The following CASS4 variants were observed in gnomAD, a reference collection of about 807,000 sequenced individuals.
CASS4 encodes Cas scaffold protein family member 4.
Under a neutral mutation model 54.2 loss-of-function variants are expected in CASS4, and 22 were observed. The ratio of observed to expected loss-of-function variants is 0.41; its 90% confidence interval spans 0.29 to 0.58. The LOEUF is 0.58. CASS4 is among the 20% of genes least tolerant of loss of function. CASS4 has a pLI of 0.36. For missense variants in CASS4, 854 were observed against 986.7 expected (o/e 0.87, Z 1.80); for synonymous variants, 409 against 391.5 (o/e 1.04, Z -0.53).
chr20:56,447,574 G>A (rs549437087), intron 3 of CASS4, among the ~76,000 whole-genome samples: 7 of 152,332 alleles, frequency 4.6e-5, no homozygotes, highest in Non-Finnish European at 5.9e-5. Flanking sequence ...ATTCCTGTAA[G>A]TGCCCCCCAC....
At chr20:56,443,952 G>A (rs1391659587) in intron 2 of CASS4, among the ~76,000 whole-genome samples, 1 of 152,178 alleles carries the variant, frequency 6.6e-6, no homozygotes, top group Non-Finnish European at 1.5e-5. Flanking sequence ...AGGATTTCAG[G>A]GAACCAAGTT....
chr20:56,453,002 A>T lies in CASS4; in HGVS notation c.1826A>T (p.Glu609Val). Residue 609 changes from glutamate to valine, a missense_variant, in exon 5 of 6, where the codon GAA becomes GTA. Transcript: ENST00000679887. ...ACCCCAAATGCAGAATTTAAGTGTG[A>T]AAAATACATCCAGCCTCCCCAAAGA... ...QLTPNAEFKC[E>V]KYIQPPQRET... 6.2e-7 allele frequency: 1 copy of T among 1,614,086 alleles called. No individual in the cohort carries two copies.
At chr20:56,429,943 A>C (rs963026273) in intron 1 of CASS4, among the ~76,000 whole-genome samples, 2 of 152,004 alleles carry the variant, frequency 1.3e-5, no homozygotes, top group Non-Finnish European at 2.9e-5. Context: ...CTTACAAGAG[A>C]TGGAAACCCT....
intron 4 of CASS4, 59 bp from the exon 5 acceptor site, chr20:56,451,760 G>C (rs1261863623): frequency 4.7e-6 from 6 of 1,265,408 alleles, no homozygotes; most frequent in African/African-American, 3.0e-5. Context: ...TTTAAACAAC[G>C]CACTCGCGCC....
intron 2 of CASS4, among the ~76,000 whole-genome samples, chr20:56,443,768 C>T (rs933371407): frequency 2.6e-5 from 4 of 152,122 alleles, no homozygotes; most frequent in African/African-American, 9.7e-5. Flanking sequence ...CCCTTGGGAA[C>T]CACGAAGCGG....
At chr20:56,445,655 A>C (rs1980670373) in intron 2 of CASS4, among the ~76,000 whole-genome samples, 1 of 152,170 alleles carries the variant, frequency 6.6e-6, no homozygotes, top group Admixed American at 6.5e-5. Context: ...GCTTCAGGTG[A>C]ACTTCCCAGG....
chr20:56,417,051 C>T (rs891594729), intron 1 of CASS4, among the ~76,000 whole-genome samples: 22 of 152,220 alleles, frequency 1.4e-4, no homozygotes, highest in African/African-American at 5.3e-4. Flanking sequence ...AAAAAATCTT[C>T]CACATCTCAA....
Position 56,437,709 on chromosome 20 carries a change from G to A in CASS4, c.459+123G>A. 1 of 914,880 alleles carries A rather than the reference G, an allele frequency of 1.1e-6. No homozygotes were observed. The highest frequency in any genetic ancestry group is 1.6e-6 in the Non-Finnish European group (1 of 632,262). 56.7% of individuals were successfully genotyped at this position (914,880 alleles called of 1,614,324 possible). On this transcript the variant is annotated intron_variant, in intron 2 of 5. Coordinates refer to ENST00000679887, the MANE Select transcript of CASS4 (RefSeq NM_020356.4). The surrounding 1 kb of genome is among the most constrained non-coding windows in gnomAD (Gnocchi z 4.7). ...ACGCAAAACGGGAGCCCAGATTGCT[G>A]GCAATCACGCTCGGGGAGCTTGTGT...
At chr20:56,445,733 C>G (rs1600767708) in intron 2 of CASS4, among the ~76,000 whole-genome samples, 167 bp from the exon 3 acceptor site, 1 of 152,224 alleles carries the variant, frequency 6.6e-6, no homozygotes, top group South Asian at 2.1e-4. Flanking sequence ...GCCTCCCACC[C>G]GTGCCCTGCT....
At chr20:56,424,770 G>A (rs1177057218) in intron 1 of CASS4, among the ~76,000 whole-genome samples, 1 of 149,328 alleles carries the variant, frequency 6.7e-6, no homozygotes, top group Non-Finnish European at 1.5e-5. Flanking sequence ...AAAATCACAG[G>A]TTCTTTCTTG....
At chr20:56,447,724 C>G (rs1207873233) in intron 3 of CASS4, among the ~76,000 whole-genome samples, 1 of 152,240 alleles carries the variant, frequency 6.6e-6, no homozygotes, top group Non-Finnish European at 1.5e-5. Context: ...CGTGACATTC[C>G]CTGAGCCATT....
At position 56,455,074 on chromosome 20, in the gene CASS4, C is replaced by G. The variant is rs1981226852; in HGVS notation, c.1953+1945C>G. On this transcript the variant is annotated intron_variant, in intron 5 of 5. Coordinates refer to ENST00000679887, the MANE Select transcript of CASS4 (RefSeq NM_020356.4). ...AATGTTTCTGATTACAACAGCAAAT[C>G]TTGATTTGGGGCTTGTATATCTTCA... 2.6e-5 allele frequency among the ~76,000 whole-genome samples: 4 copies of G among 151,722 alleles called. No homozygotes were observed. The South Asian group carries it at 8.3e-4, about 32-fold the overall frequency.
chr20:56,451,047 A>G (rs886494096), intron 4 of CASS4, among the ~76,000 whole-genome samples: 2 of 152,136 alleles, frequency 1.3e-5, no homozygotes, highest in East Asian at 1.9e-4. Flanking sequence ...AAAGAAAGAA[A>G]TGTTATTAGC....
intron 1 of CASS4, among the ~76,000 whole-genome samples, chr20:56,427,481 G>A (rs1979702062): frequency 6.6e-6 from 1 of 152,142 alleles, no homozygotes; most frequent in African/African-American, 2.4e-5. Flanking sequence ...TTCCTAGCCT[G>A]TATTTGAATT....
intron 1 of CASS4, among the ~76,000 whole-genome samples, chr20:56,432,461 G>T (rs1426357779): frequency 2.1e-5 from 3 of 145,220 alleles, no homozygotes; most frequent in Non-Finnish European, 4.5e-5. Context: ...TCCACCTCCT[G>T]GGCTCAAGCC....
intron 4 of CASS4, 92 bp downstream of exon 4, chr20:56,450,771 A>G: frequency 3.3e-6 from 4 of 1,218,532 alleles, no homozygotes; most frequent in Non-Finnish European, 4.7e-6. Flanking sequence ...CGGTGGCTGA[A>G]GCCTGTAATC....
intron 1 of CASS4, among the ~76,000 whole-genome samples, chr20:56,418,684 A>G (rs1315645327): frequency 6.6e-6 from 1 of 152,198 alleles, no homozygotes; most frequent in East Asian, 1.9e-4. Context: ...GATGTTTGAG[A>G]CCGCTGGTCG....
At chr20:56,444,152 C>A (rs1980597597) in intron 2 of CASS4, among the ~76,000 whole-genome samples, 1 of 152,114 alleles carries the variant, frequency 6.6e-6, no homozygotes, top group Admixed American at 6.5e-5. Flanking sequence ...CCATCCAAGC[C>A]GTACACATCC....
chr20:56,448,098 C>G (rs1033200421), intron 3 of CASS4, among the ~76,000 whole-genome samples: 1 of 150,122 alleles, frequency 6.7e-6, no homozygotes, highest in Non-Finnish European at 1.5e-5. Flanking sequence ...GCAGAGATCG[C>G]GCCACTGCAC....
Sources: gnomAD v4.1 joint callset for allele counts (sites outside exome capture counted in the v4.1 genomes callset) on GRCh38, gnomAD v4.1.1 for gene constraint, Gnocchi (gnomAD v3.1) non-coding constraint, MANE v1.5 for transcripts, NCBI Gene and HGNC (gene_info 2026-07-23, HGNC 2026-07-21) for gene names.